Variants in EIPR1 observed in about 807,000 individuals in gnomAD.
EIPR1 encodes the protein EARP complex and GARP complex interacting protein 1, also known as EARP and GARP complex-interacting protein 1.
EIPR1 carries 25 observed loss-of-function variants against 48.1 expected under a neutral mutation model. The observed-to-expected ratio is 0.52, with a 90% CI of 0.38 to 0.73. The LOEUF (loss-of-function observed/expected upper bound fraction) is 0.73, where lower values mean the gene tolerates loss of function less well. Ranked by LOEUF, EIPR1 falls within the 30% of genes least tolerant of loss-of-function variation. The pLI is 0.00. For synonymous variants in EIPR1, 204 were observed against 201.9 expected (o/e 1.01, Z -0.09); for missense variants, 415 against 506.2 (o/e 0.82, Z 1.73).
intron 3 of EIPR1, among the ~76,000 whole-genome samples, chr2:3,332,239 G>A (rs1232314974): frequency 6.6e-6 from 1 of 152,196 alleles, no homozygotes; most frequent in African/African-American, 2.4e-5. Flanking sequence ...GAAAACCGTG[G>A]GTGAAACAAG....
intron 1 of EIPR1, among the ~76,000 whole-genome samples, chr2:3,370,715 C>A (rs1212281466): frequency 6.6e-6 from 1 of 152,158 alleles, no homozygotes; most frequent in Non-Finnish European, 1.5e-5. Flanking sequence ...ATGAACAAAG[C>A]CTCCAAGAAA....
chr2:3,279,050 G>A (rs781364774), intron 3 of EIPR1, among the ~76,000 whole-genome samples: 3 of 152,240 alleles, frequency 2.0e-5, no homozygotes, highest in East Asian at 1.9e-4. Flanking sequence ...ACAGTGACTC[G>A]ACACCCATGT....
chr2:3,191,998 C>T (rs1222524259), intron 8 of EIPR1, among the ~76,000 whole-genome samples: 1 of 152,150 alleles, frequency 6.6e-6, no homozygotes, highest in Non-Finnish European at 1.5e-5. Flanking sequence ...GAGCTGATGG[C>T]CAACAACCCG....
At chr2:3,261,082 C>T (rs1441161265) in intron 3 of EIPR1, among the ~76,000 whole-genome samples, 1 of 152,120 alleles carries the variant, frequency 6.6e-6, no homozygotes, top group Non-Finnish European at 1.5e-5. Context: ...GGCAGTTAAA[C>T]CCAGCCCCAA....
At chr2:3,351,511 T>G (rs776608733) in intron 2 of EIPR1, among the ~76,000 whole-genome samples, 9 of 152,176 alleles carry the variant, frequency 5.9e-5, no homozygotes, top group Admixed American at 2.0e-4. Context: ...GAAGGCAGAC[T>G]GGCGTGCCTC....
intron 4 of EIPR1, among the ~76,000 whole-genome samples, chr2:3,247,294 G>A (rs190209688): frequency 3.9e-5 from 6 of 152,278 alleles, no homozygotes; most frequent in Admixed American, 2.6e-4. Flanking sequence ...TTATTTTGAC[G>A]TTGCTTCCAC....
intron 3 of EIPR1, among the ~76,000 whole-genome samples, chr2:3,333,309 C>T (rs190232356): frequency 4.1e-4 from 62 of 152,274 alleles, no homozygotes; most frequent in Admixed American, 2.0e-3. Context: ...AAAATGTAAA[C>T]GCTGTTGCTT....
chr2:3,373,162 C>A (rs1414573419), intron 1 of EIPR1, among the ~76,000 whole-genome samples: 15 of 151,770 alleles, frequency 9.9e-5, no homozygotes, highest in Non-Finnish European at 1.9e-4. Context: ...CAGAAAAGGC[C>A]TTTGACAAAA....
At chr2:3,326,804 T>TA (rs1669712108) in intron 3 of EIPR1, among the ~76,000 whole-genome samples, 2 of 151,924 alleles carry the variant, frequency 1.3e-5, no homozygotes, top group African/African-American at 4.9e-5. Context: ...AAAAATCCAC[T>TA]GTATCTTCCT....
chr2:3,298,912 G>A (rs903759165), intron 3 of EIPR1, among the ~76,000 whole-genome samples: 1 of 152,072 alleles, frequency 6.6e-6, no homozygotes, highest in Middle Eastern at 3.2e-3. Context: ...AGGGGACATC[G>A]TCTGACTCGG....
chr2:3,286,513 C>T lies in EIPR1; in HGVS notation c.260-29058G>A, dbSNP rs554121558. ...GGTGAGGGACACTTGGTGTCCGTGA[C>T]AGGGAAAGGCTGAGGCATCAGGCTT... On this transcript the variant is annotated intron_variant, in intron 3 of 8. Transcript: ENST00000382125. The surrounding 1 kb of genome is among the most constrained non-coding windows in gnomAD (Gnocchi z 4.2). Among the ~76,000 whole-genome samples, 2 of 152,316 alleles carry T rather than the reference C, an allele frequency of 1.3e-5. No homozygotes were observed. The highest frequency in any genetic ancestry group is 4.1e-4 in the South Asian group (2 of 4,828).
chr2:3,273,050 G>A (rs552621286), intron 3 of EIPR1, among the ~76,000 whole-genome samples: 2 of 152,156 alleles, frequency 1.3e-5, no homozygotes, highest in South Asian at 2.1e-4. Flanking sequence ...GCTACTAGGC[G>A]GTTTGATATT....
rs185113256 is a variant in EIPR1, at chr2:3,202,233, G to T, written c.517-5216C>A. On this transcript the variant is annotated intron_variant, in intron 5 of 8. Transcript: ENST00000382125. ...ATTACAGGCGTGAGCCACCGCACCC[G>T]GCCTAGGTTCAATGTCTTAACTTCC... Among the ~76,000 whole-genome samples the T allele has an allele frequency of 6.8e-4, 104 of 152,304 alleles. 1 individual carries two copies. In the East Asian group the frequency reaches 0.019, roughly 28 times the overall value.
intron 3 of EIPR1, among the ~76,000 whole-genome samples, chr2:3,313,395 C>T (rs1273954085): frequency 6.6e-6 from 1 of 150,914 alleles, no homozygotes; most frequent in Non-Finnish European, 1.5e-5. Context: ...TCAAGGCGCA[C>T]AGACCTGAGC....
At chr2:3,217,943 A>G (rs1280221937) in intron 4 of EIPR1, among the ~76,000 whole-genome samples, 1 of 152,200 alleles carries the variant, frequency 6.6e-6, no homozygotes, top group African/African-American at 2.4e-5. Context: ...AAGCTATGCT[A>G]AATACACGTG....
At chr2:3,208,279 C>A (rs1056649365) in intron 5 of EIPR1, 3 of 497,308 alleles carry the variant, frequency 6.0e-6, no homozygotes, top group Admixed American at 7.5e-5. Context: ...AGCAAGTTAT[C>A]TGAGAACCTC....
intron 3 of EIPR1, among the ~76,000 whole-genome samples, chr2:3,316,345 C>T (rs1156433154): frequency 2.0e-5 from 3 of 152,162 alleles, no homozygotes; most frequent in Non-Finnish European, 4.4e-5. Flanking sequence ...GAACAATCTC[C>T]TCACCATCTG....
chr2:3,338,963 C>T (rs1283780265), intron 2 of EIPR1, among the ~76,000 whole-genome samples: 1 of 152,094 alleles, frequency 6.6e-6, no homozygotes, highest in East Asian at 1.9e-4. Flanking sequence ...AGTACGTTTA[C>T]TATGGCATTG....
intron 3 of EIPR1, among the ~76,000 whole-genome samples, chr2:3,287,343 C>T (rs1485922066): frequency 6.6e-6 from 1 of 151,432 alleles, no homozygotes; most frequent in Non-Finnish European, 1.5e-5. Context: ...AGCTCGTTCA[C>T]TGCGCTCCAG....
Sources: allele counts gnomAD v4.1 joint callset (sites outside exome capture counted in the v4.1 genomes callset), GRCh38; gene constraint gnomAD v4.1.1; non-coding constraint Gnocchi (gnomAD v3.1); transcripts MANE v1.5; gene names NCBI Gene and HGNC (gene_info 2026-07-23, HGNC 2026-07-21).